The following JAM2 variants were observed in gnomAD, a reference collection of about 807,000 sequenced individuals.
The protein encoded by JAM2 is junctional adhesion molecule 2.
In JAM2, 17 loss-of-function variants were observed where a neutral mutation model predicts 42.0. That is an observed-to-expected ratio of 0.40 (90% confidence interval 0.28 to 0.61). The LOEUF (loss-of-function observed/expected upper bound fraction) is 0.61, where lower values mean the gene tolerates loss of function less well. Among genes scored for constraint, JAM2 ranks in the 20% least tolerant of loss-of-function variants. JAM2 has a pLI of 0.37. For synonymous variants in JAM2, 118 were observed against 128.6 expected (o/e 0.92, Z 0.56); for missense variants, 319 against 358.3 (o/e 0.89, Z 0.89).
chr21:25,709,484 C>T (rs777184373), intron 8 of JAM2, 35 bp downstream of exon 8: 4 of 1,362,534 alleles, frequency 2.9e-6, no homozygotes, highest in African/African-American at 1.4e-5. Context: ...TGTCTTTCTC[C>T]TATGTCAACT....
intron 1 of JAM2, among the ~76,000 whole-genome samples, chr21:25,667,943 G>A (rs1021849549): frequency 6.6e-6 from 1 of 152,204 alleles, no homozygotes; most frequent in Admixed American, 6.5e-5. Context: ...GAATGTCGAA[G>A]GGGAAAGGTG....
chr21:25,676,624 A>G (rs1349253223), intron 1 of JAM2, among the ~76,000 whole-genome samples: 2 of 152,222 alleles, frequency 1.3e-5, no homozygotes, highest in Non-Finnish European at 1.5e-5. Flanking sequence ...CTTTTGGAAC[A>G]TGTTCATAAC....
At chr21:25,676,178 C>T (rs537775674) in intron 1 of JAM2, among the ~76,000 whole-genome samples, 110 of 150,432 alleles carry the variant, frequency 7.3e-4, no homozygotes, top group Non-Finnish European at 1.3e-3. Context: ...GTCCCAGCTA[C>T]TTGGGAGGCT....
Position 25,639,673 on chromosome 21 carries a change from A to C in JAM2, c.-149A>C, listed in dbSNP as rs138081609. 1 of 528,808 alleles carries C rather than the reference A, an allele frequency of 1.9e-6. No homozygotes were observed. The highest frequency in any genetic ancestry group is 3.3e-6 in the Non-Finnish European group (1 of 300,984). The allele number at this position is 528,808 out of a possible 1,614,324, so 32.8% of individuals were successfully genotyped here. ...AGGCGCCCCGGGGAGGGGGAAACTG[A>C]CATCCCATCTAGAGCCGTCCCTCCT... On this transcript the variant is annotated 5_prime_UTR_variant, in exon 1 of 10. Transcript: ENST00000480456.
At chr21:25,690,065 A>C (rs1241457755) in intron 3 of JAM2, 92 bp downstream of exon 3, 1 of 773,904 alleles carries the variant, frequency 1.3e-6, no homozygotes, top group African/African-American at 1.7e-5. Context: ...GACATGACTG[A>C]TTACTGAAAA....
At position 25,671,509 on chromosome 21, in the gene JAM2, AT is replaced by A. The variant is rs999753479; in HGVS notation, c.68-12364del. 1.8e-4 allele frequency among the ~76,000 whole-genome samples: 27 copies of A among 148,856 alleles called. No individual in the cohort carries two copies. The South Asian group carries it at 3.9e-3, about 21-fold the overall frequency. The stretch of plus-strand genomic sequence containing the variant: ...TTAGAAAAAGATTATCTTTTTCTTT[AT>A]TTTTTTTTTCTTTGAGACAGAGTCT... On this transcript the variant is annotated intron_variant, in intron 1 of 9. Coordinates refer to ENST00000480456, the MANE Select transcript of JAM2 (RefSeq NM_021219.4).
At chr21:25,671,143 A>G (rs2033350350) in intron 1 of JAM2, among the ~76,000 whole-genome samples, 1 of 152,208 alleles carries the variant, frequency 6.6e-6, no homozygotes, top group Non-Finnish European at 1.5e-5. Flanking sequence ...AATCTCTAGT[A>G]TTTTAAAGGC....
intron 7 of JAM2, among the ~76,000 whole-genome samples, chr21:25,708,368 C>A (rs921478943): frequency 1.3e-5 from 2 of 151,910 alleles, no homozygotes; most frequent in African/African-American, 4.8e-5. Flanking sequence ...CAGGACTTCA[C>A]GACCAGCCTG....
chr21:25,650,720 A>G (rs1446534058), intron 1 of JAM2, among the ~76,000 whole-genome samples: 4 of 152,224 alleles, frequency 2.6e-5, no homozygotes, highest in Non-Finnish European at 5.9e-5. Context: ...CGGGGCAGAA[A>G]TGAAGTGGTT....
chr21:25,714,174 T>G (rs1165958885), intron 9 of JAM2: 1 of 1,301,948 alleles, frequency 7.7e-7, no homozygotes. Context: ...TGCTAGGAGT[T>G]AGTTAGTTAA....
chr21:25,655,637 C>T (rs570551857), intron 1 of JAM2, among the ~76,000 whole-genome samples: 6 of 144,544 alleles, frequency 4.2e-5, no homozygotes, highest in Non-Finnish European at 6.0e-5. Context: ...TCTGCCACTA[C>T]GCCCAGCTAA....
At chr21:25,696,222 C>T (rs1193929887) in intron 4 of JAM2, among the ~76,000 whole-genome samples, 1 of 152,134 alleles carries the variant, frequency 6.6e-6, no homozygotes, top group Non-Finnish European at 1.5e-5. Flanking sequence ...CCCGTCTCCA[C>T]CAAAAAAATA....
intron 4 of JAM2, among the ~76,000 whole-genome samples, chr21:25,695,961 A>G (rs1173532534): frequency 6.6e-6 from 1 of 151,420 alleles, no homozygotes; most frequent in Non-Finnish European, 1.5e-5. Flanking sequence ...CCAGGCAGAG[A>G]CGCTCCTCAC....
intron 8 of JAM2, chr21:25,710,243 T>A (rs944646500): frequency 6.6e-6 from 1 of 152,236 alleles, no homozygotes; most frequent in East Asian, 1.9e-4. Context: ...GTCATTTTTT[T>A]ATATTAATTG....
At chr21:25,691,966 G>T (rs868365218) in intron 3 of JAM2, among the ~76,000 whole-genome samples, 1 of 150,764 alleles carries the variant, frequency 6.6e-6, no homozygotes, top group African/African-American at 2.4e-5. Context: ...CCAAGATCAC[G>T]CCACTGCACT....
intron 1 of JAM2, among the ~76,000 whole-genome samples, chr21:25,661,691 G>A (rs1309492084): frequency 6.6e-6 from 1 of 151,692 alleles, no homozygotes; most frequent in African/African-American, 2.4e-5. Flanking sequence ...GGATAATAAA[G>A]GAGGCATCAA....
intron 7 of JAM2, among the ~76,000 whole-genome samples, chr21:25,706,401 C>T (rs927581832): frequency 5.3e-5 from 8 of 152,130 alleles, no homozygotes; most frequent in Admixed American, 2.6e-4. Context: ...AGGCTGGTCT[C>T]GAACTCCTGG....
intron 6 of JAM2, 100 bp from the exon 7 acceptor site, chr21:25,705,879 T>C (rs1275098320): frequency 1.2e-5 from 9 of 776,662 alleles, no homozygotes; most frequent in African/African-American, 8.5e-5. Flanking sequence ...CTTTATGATA[T>C]AGCTGCAAAG....
rs75598377 is a variant in JAM2, at chr21:25,656,729, C to T, written c.67+16841C>T. Among the ~76,000 whole-genome samples, 7 of 152,332 alleles carry T rather than the reference C, an allele frequency of 4.6e-5. No individual in the cohort carries two copies. The East Asian group carries it at 1.2e-3, about 25-fold the overall frequency. ...GGAAGAAGTTTCACTTCACCTCCCA[C>T]TCCTTTGCGTCTTAATTTTAGAGTG... On this transcript the variant is annotated intron_variant, in intron 1 of 9. Transcript: ENST00000480456.
Sources: allele counts gnomAD v4.1 joint callset (sites outside exome capture counted in the v4.1 genomes callset), GRCh38; gene constraint gnomAD v4.1.1; transcripts MANE v1.5; gene names NCBI Gene and HGNC (gene_info 2026-07-23, HGNC 2026-07-21).